The following CFHR5 variants were observed in gnomAD, a reference collection of about 807,000 sequenced individuals.
The protein encoded by CFHR5 is complement factor H-related protein 5.
CFHR5 carries 73 observed loss-of-function variants against 62.9 expected under a neutral mutation model. The ratio of observed to expected loss-of-function variants is 1.16; its 90% CI spans 0.96 to 1.41. The LOEUF is 1.41. Ranked by LOEUF, CFHR5 falls within the 40% of genes most tolerant of loss-of-function variation. The pLI is 0.00. For missense variants in CFHR5, 779 were observed against 679.9 expected, an observed-to-expected ratio of 1.15 and a Z score of -1.62; for synonymous variants, 249 against 227.2, an observed-to-expected ratio of 1.10 and a Z score of -0.86.
intron 8 of CFHR5, among the ~76,000 whole-genome samples, chr1:197,003,778 G>A (rs77947219): frequency 0.011 from 1,613 of 152,158 alleles, 34 homozygotes; most frequent in African/African-American, 0.037. Flanking sequence ...GGCAGTTACC[G>A]GATAGAAGAT....
intron 1 of CFHR5, among the ~76,000 whole-genome samples, chr1:196,979,258 G>GTGTGTGTA (rs1653475082): frequency 2.3e-5 from 2 of 88,030 alleles, no homozygotes; most frequent in African/African-American, 7.5e-5. Flanking sequence ...GTAATTGTCT[G>GTGTGTGTA]TGTGTGTGTG....
chr1:197,002,913 T>C (rs1654191277), intron 8 of CFHR5, among the ~76,000 whole-genome samples: 1 of 152,246 alleles, frequency 6.6e-6, no homozygotes, highest in African/African-American at 2.4e-5. Flanking sequence ...ATTTTTACTG[T>C]ACCTTTTCTA....
At chr1:196,981,345 A>G (rs1653535959) in intron 1 of CFHR5, among the ~76,000 whole-genome samples, 3 of 152,210 alleles carry the variant, frequency 2.0e-5, no homozygotes, top group Admixed American at 2.0e-4. Context: ...CCTAATGTAA[A>G]CTATGGGCTT....
intron 7 of CFHR5, among the ~76,000 whole-genome samples, chr1:196,999,722 T>TATACACACAC (rs1164729053): frequency 7.7e-5 from 9 of 116,172 alleles, no homozygotes; most frequent in African/African-American, 3.1e-4. Flanking sequence ...TATATATATA[T>TATACACACAC]ACACACACAC....
intron 2 of CFHR5, 117 bp downstream of exon 2, chr1:196,983,196 A>G: frequency 3.7e-6 from 5 of 1,357,976 alleles, no homozygotes; most frequent in East Asian, 2.4e-5. Context: ...AGCTGGAAAA[A>G]TGGGAGATGT....
At chr1:196,993,814 T>G (rs1461142595) in intron 3 of CFHR5, among the ~76,000 whole-genome samples, 1 of 152,152 alleles carries the variant, frequency 6.6e-6, no homozygotes, top group African/African-American at 2.4e-5. Flanking sequence ...ATTTACTGTA[T>G]GAGTAACTTC....
chr1:197,008,594 T>C lies in CFHR5; in HGVS notation c.1621T>C (p.Cys541Arg). ...AKTGDAVEFQ[C>R]KFPHKAMISS... ...AACAGGGGATGCTGTTGAATTCCAG[T>C]GTAAATTCCCACATAAAGCGATGAT... is the stretch of plus-strand genomic sequence containing the variant. The change falls in exon 10 of 10, where the codon TGT (cysteine) becomes CGT (arginine). Residue 541 changes from cysteine to arginine, a missense_variant. By Grantham distance (180) the Cys-to-Arg change is radical. Transcript: ENST00000256785. 2 of 1,613,722 alleles carry C rather than the reference T, an allele frequency of 1.2e-6. No individual in the cohort carries two copies. The highest frequency in any genetic ancestry group is 1.7e-6 in the Non-Finnish European group (2 of 1,179,732).
chr1:196,992,290 T>A (rs1653869772), intron 3 of CFHR5, among the ~76,000 whole-genome samples: 1 of 152,056 alleles, frequency 6.6e-6, no homozygotes, highest in Non-Finnish European at 1.5e-5. Flanking sequence ...AGTGTCCCGA[T>A]TTTCCAGGTA....
chr1:196,990,134 G>A (rs534377027), intron 3 of CFHR5, among the ~76,000 whole-genome samples: 2 of 151,924 alleles, frequency 1.3e-5, no homozygotes, highest in South Asian at 4.2e-4. Context: ...GGCCTTCTTT[G>A]TCTCTTTTCA....
rs949155261 is a variant in CFHR5, at chr1:196,989,747, A to T, written c.431-4333A>T. ...GTGGTATGAGAGACAGTTTGTTGTG[A>T]TTTCTGTTCTTTTACATTTGCTGAG... On this transcript the variant is annotated intron_variant, in intron 3 of 9. Transcript: ENST00000256785. 6.6e-5 allele frequency among the ~76,000 whole-genome samples: 10 copies of T among 152,072 alleles called. No individual in the cohort carries two copies. In the East Asian group the frequency reaches 1.9e-3, roughly 29 times the overall value.
rs61623798 is a variant in CFHR5, at chr1:196,981,727, C to T, written c.59-1158C>T. Among the ~76,000 whole-genome samples the T allele has an allele frequency of 5.7e-3, 861 of 152,020 alleles. 6 individuals carry two copies. The highest frequency in any genetic ancestry group is 0.02 in the African/African-American group (816 of 41,490). ...TACCAAAATCCACAGATGCTCAAGT[C>T]TCTAAGAGAGAATGGCGTAGTATTT... On this transcript the variant is annotated intron_variant, in intron 1 of 9. Coordinates refer to ENST00000256785, the MANE Select transcript of CFHR5 (RefSeq NM_030787.4).
intron 3 of CFHR5, among the ~76,000 whole-genome samples, chr1:196,987,708 T>G (rs916773835): frequency 1.3e-5 from 2 of 152,188 alleles, no homozygotes; most frequent in Admixed American, 1.3e-4. Context: ...CTCTGTTCTG[T>G]TCCATTGGTC....
At chr1:197,003,956 T>C (rs1301320625) in intron 8 of CFHR5, among the ~76,000 whole-genome samples, 1 of 152,144 alleles carries the variant, frequency 6.6e-6, no homozygotes, top group Non-Finnish European at 1.5e-5. Flanking sequence ...AGTGTCATCA[T>C]GAAGAAGTCA....
rs1053338748 is a variant in CFHR5, at chr1:197,009,222, C to T, written c.*539C>T. ...CATTAATCCATTCAAGAAGATAGAG[C>T]TCTCGTGACTTAATCACCTTCTAAA... On this transcript the variant is annotated 3_prime_UTR_variant, in exon 10 of 10. Coordinates refer to ENST00000256785, the MANE Select transcript of CFHR5 (RefSeq NM_030787.4). 2 of 152,708 alleles carry T rather than the reference C, an allele frequency of 1.3e-5. No individual in the cohort carries two copies. The highest frequency in any genetic ancestry group is 2.4e-5 in the African/African-American group (1 of 41,404). The allele number at this position is 152,708 out of a possible 1,614,324, so 9.5% of individuals were successfully genotyped here.
intron 3 of CFHR5, among the ~76,000 whole-genome samples, chr1:196,988,882 C>T (rs981032898): frequency 1.3e-5 from 2 of 152,126 alleles, no homozygotes; most frequent in African/African-American, 4.8e-5. Context: ...ATGCTGGCCT[C>T]ATAAAATGAG....
At chr1:196,997,077 T>G (rs933203010) in intron 6 of CFHR5, among the ~76,000 whole-genome samples, 2 of 152,120 alleles carry the variant, frequency 1.3e-5, no homozygotes, top group Non-Finnish European at 2.9e-5. Context: ...ACAAGCAGAC[T>G]TTCCGCCGCT....
chr1:196,984,029 G>A lies in CFHR5; in HGVS notation c.322G>A (p.Asp108Asn). The A allele has an allele frequency of 6.2e-7, 1 of 1,612,702 alleles. No individual in the cohort carries two copies. Among genetic ancestry groups the A allele is most frequent in the Non-Finnish European group, 8.5e-7 (1 of 1,178,896 alleles). Residue 108 changes from aspartate to asparagine, a missense_variant, in exon 3 of 10, where the codon GAT (aspartate) becomes AAT (asparagine). Coordinates refer to ENST00000256785, the MANE Select transcript of CFHR5 (RefSeq NM_030787.4). ...ESSGLIHLEG[D>N]TVQIICNTGY... is the part of the protein sequence containing the mutation. ...TTCAGGACTAATACATCTGGAAGGT[G>A]ATACTGTACAAATTATTTGCAACAC...
chr1:197,005,800 G>T lies in CFHR5; in HGVS notation c.1513+957G>T, dbSNP rs957218096. Among the ~76,000 whole-genome samples, 4 of 152,046 alleles carry T rather than the reference G, an allele frequency of 2.6e-5. No individual in the cohort carries two copies. The South Asian group carries it at 8.3e-4, about 32-fold the overall frequency. On this transcript the variant is annotated intron_variant, in intron 9 of 9. Transcript: ENST00000256785. Reference sequence around the variant, plus strand: ...AGTCTTGAAAATTCATCCTTCTGACGATGTCTCTTTCTTCCACCTTCTGTA... The same window carrying T: ...AGTCTTGAAAATTCATCCTTCTGACTATGTCTCTTTCTTCCACCTTCTGTA...
chr1:196,998,230 G>A lies in CFHR5; in HGVS notation c.1073G>A (p.Arg358Lys). Reference protein sequence around the residue: ...EFNHNSRIRYRCSDIFRYRHS... With the variant: ...EFNHNSRIRYKCSDIFRYRHS... ...AATCATAATTCTAGAATACGTTACAGATGTTCAGACATCTTCAGATACAGG... is the reference window on the plus strand; with the variant it reads ...AATCATAATTCTAGAATACGTTACAAATGTTCAGACATCTTCAGATACAGG... The change falls in exon 7 of 10, where the codon AGA becomes AAA. Residue 358 changes from arginine (R) to lysine (K), a missense_variant. Physicochemically the swap from Arg to Lys is conservative, Grantham distance 26 (BLOSUM62 2). Coordinates refer to ENST00000256785, the MANE Select transcript of CFHR5 (RefSeq NM_030787.4). 6.2e-7 allele frequency: 1 copy of A among 1,610,672 alleles called. No homozygotes were observed.
Sources: gnomAD v4.1 joint callset for allele counts (sites outside exome capture counted in the v4.1 genomes callset) on GRCh38, gnomAD v4.1.1 for gene constraint, MANE v1.5 for transcripts, NCBI Gene and HGNC (gene_info 2026-07-23, HGNC 2026-07-21) for gene names.